The following SOX6 variants were observed in gnomAD, a reference collection of about 807,000 sequenced individuals.
SOX6 encodes the protein transcription factor SOX-6.
A neutral mutation model predicts 97.8 loss-of-function variants in SOX6; 11 were observed. The ratio of observed to expected loss-of-function variants is 0.11; its 90% CI spans 0.07 to 0.19. The LOEUF (loss-of-function observed/expected upper bound fraction) is 0.19. Among genes scored for constraint, SOX6 ranks in the 10% least tolerant of loss-of-function variants. The pLI is 1.00. For synonymous variants in SOX6, 360 were observed against 371.4 expected, an observed-to-expected ratio of 0.97 and a Z score of 0.35; for missense variants, 810 against 1,039.5, an observed-to-expected ratio of 0.78 and a Z score of 3.04.
chr11:16,402,866 C>T (rs1467036365), intron 1 of SOX6: 1 of 1,536,028 alleles, frequency 6.5e-7, no homozygotes. Flanking sequence ...CTCCTAACAA[C>T]TAAAACTACA....
chr11:16,574,387 G>A (rs1376030538), intron 4 of SOX6, among the ~76,000 whole-genome samples: 1 of 151,998 alleles, frequency 6.6e-6, no homozygotes, highest in Non-Finnish European at 1.5e-5. Flanking sequence ...GAGCAGTCAA[G>A]AAAAGAGATT....
chr11:16,633,484 C>A (rs959597099), intron 3 of SOX6, among the ~76,000 whole-genome samples: 2 of 152,134 alleles, frequency 1.3e-5, no homozygotes, highest in Non-Finnish European at 2.9e-5. Flanking sequence ...ATGCAAAAAA[C>A]AACTACCTGA....
chr11:15,969,957 C>T lies in SOX6; in HGVS notation c.*2852G>A, dbSNP rs1211572936. Reference sequence around the variant, plus strand: ...CTGAATAGCCTTTCATTTTTAAGAACATGGCTAAAAGTAAATGAACCCCAG... The same window carrying T: ...CTGAATAGCCTTTCATTTTTAAGAATATGGCTAAAAGTAAATGAACCCCAG... On this transcript the variant is annotated 3_prime_UTR_variant, in exon 16 of 16. Coordinates refer to ENST00000683767, the MANE Select transcript of SOX6 (RefSeq NM_001367873.1). 4 of 152,172 alleles carry T rather than the reference C, an allele frequency of 2.6e-5. No individual in the cohort carries two copies. The highest frequency in any genetic ancestry group is 9.7e-5 in the African/African-American group (4 of 41,434). The allele number at this position is 152,172 out of a possible 1,614,324, so 9.4% of individuals were successfully genotyped here.
intron 3 of SOX6, among the ~76,000 whole-genome samples, chr11:16,631,453 C>T (rs1485306401): frequency 6.6e-6 from 1 of 152,178 alleles, no homozygotes; most frequent in African/African-American, 2.4e-5. Flanking sequence ...CTGAAAAGTC[C>T]ACTGTTAGCC....
At chr11:16,330,602 A>G (rs1006363665) in intron 2 of SOX6, among the ~76,000 whole-genome samples, 1 of 152,104 alleles carries the variant, frequency 6.6e-6, no homozygotes, top group Non-Finnish European at 1.5e-5. Flanking sequence ...TGACTGGTTC[A>G]TGTGCCTACC....
intron 6 of SOX6, among the ~76,000 whole-genome samples, chr11:16,181,317 C>T (rs556483057): frequency 6.6e-6 from 1 of 151,534 alleles, no homozygotes; most frequent in Non-Finnish European, 1.5e-5. Context: ...AGTTAAGTTT[C>T]ATTTTTAATA....
intron 1 of SOX6, among the ~76,000 whole-genome samples, chr11:16,403,270 G>A (rs1205168443): frequency 6.6e-6 from 1 of 151,674 alleles, no homozygotes; most frequent in Non-Finnish European, 1.5e-5. Context: ...TTAAAATGCT[G>A]CACTGCTGCT....
chr11:16,725,239 A>C (rs370779749), intron 2 of SOX6, among the ~76,000 whole-genome samples: 19 of 152,360 alleles, frequency 1.2e-4, no homozygotes, highest in Admixed American at 2.6e-4. Context: ...AAACATGCCA[A>C]GTGGCTGGGC....
At chr11:16,092,852 T>TA (rs202180285) in intron 9 of SOX6, among the ~76,000 whole-genome samples, 109 of 146,018 alleles carry the variant, frequency 7.5e-4, no homozygotes, top group Non-Finnish European at 1.1e-3. Context: ...CCTTTTTCAT[T>TA]AAAAAAAAAA....
intron 1 of SOX6, among the ~76,000 whole-genome samples, chr11:16,350,395 T>A (rs1490248568): frequency 6.6e-6 from 1 of 152,182 alleles, no homozygotes; most frequent in Non-Finnish European, 1.5e-5. Flanking sequence ...AAGAGAAGTG[T>A]CTGGGTGTAA....
chr11:16,454,073 C>A (rs1859768713), intron 1 of SOX6, among the ~76,000 whole-genome samples: 1 of 152,050 alleles, frequency 6.6e-6, no homozygotes, highest in Non-Finnish European at 1.5e-5. Flanking sequence ...TTTGATGATG[C>A]AGTCTTTTTT....
At chr11:16,327,920 C>T (rs1856150810) in intron 2 of SOX6, among the ~76,000 whole-genome samples, 1 of 152,094 alleles carries the variant, frequency 6.6e-6, no homozygotes, top group Admixed American at 6.6e-5. Context: ...ACTGTAAGAA[C>T]AGAATACTAT....
chr11:16,709,190 T>C (rs1848158617), intron 3 of SOX6, among the ~76,000 whole-genome samples: 1 of 152,112 alleles, frequency 6.6e-6, no homozygotes, highest in South Asian at 2.1e-4. Context: ...GCCCTCATGA[T>C]AGCGAGTTCT....
chr11:16,551,350 T>C (rs764588721), intron 4 of SOX6, among the ~76,000 whole-genome samples: 10 of 151,788 alleles, frequency 6.6e-5, no homozygotes, highest in Non-Finnish European at 1.2e-4. Context: ...CCCTGTCTCA[T>C]TAAAATAAAT....
chr11:16,636,642 C>T lies in SOX6; in HGVS notation n.430-24382G>A, dbSNP rs369804915. On this transcript the variant is annotated intron_variant and non_coding_transcript_variant, in intron 3 of 5. Coordinates refer to the SOX6 transcript ENST00000524520. Reference sequence around the variant, plus strand: ...GCAAAATGATATGGATTGGCTCTGTCCCCCTACCCCAAATTTCATCTTAAA... The same window carrying T: ...GCAAAATGATATGGATTGGCTCTGTTCCCCTACCCCAAATTTCATCTTAAA... Among the ~76,000 whole-genome samples, 5 of 152,228 alleles carry T rather than the reference C, an allele frequency of 3.3e-5. No individual in the cohort carries two copies. In the East Asian group the frequency reaches 5.8e-4, roughly 18 times the overall value.
At chr11:16,457,747 C>T (rs563306847) in intron 1 of SOX6, among the ~76,000 whole-genome samples, 5 of 152,102 alleles carry the variant, frequency 3.3e-5, no homozygotes, top group East Asian at 3.9e-4. Flanking sequence ...CCATCCCCAC[C>T]GCTTTCTTCC....
At position 16,388,001 on chromosome 11, in the gene SOX6, G is replaced by GA. The variant is rs1332734121; in HGVS notation, c.-4-46750dup. On this transcript the variant is annotated intron_variant, in intron 1 of 15. Coordinates refer to the SOX6 transcript ENST00000396356. Reference sequence around the variant, plus strand: ...ATGTCAAGTAGGATGAATGAGCATGGACAGTATCTTGTTTCCTATCTTGGG... The same window carrying GA: ...ATGTCAAGTAGGATGAATGAGCATGGAACAGTATCTTGTTTCCTATCTTGGG... Among the ~76,000 whole-genome samples the GA allele has an allele frequency of 3.9e-5, 6 of 152,184 alleles. No individual in the cohort carries two copies. The East Asian group carries it at 1.2e-3, about 29-fold the overall frequency.
chr11:16,647,691 G>T (rs1486403355), intron 3 of SOX6, among the ~76,000 whole-genome samples: 1 of 152,182 alleles, frequency 6.6e-6, no homozygotes, highest in Non-Finnish European at 1.5e-5. Flanking sequence ...AGTTCCCAAA[G>T]TGTGAGACAG....
intron 11 of SOX6, among the ~76,000 whole-genome samples, chr11:16,047,156 C>T (rs559862658): frequency 1.1e-4 from 16 of 151,984 alleles, no homozygotes; most frequent in African/African-American, 3.9e-4. Flanking sequence ...ATTTCTGGCC[C>T]GCAGAAAAAA....
Sources: gnomAD v4.1 joint callset for allele counts (sites outside exome capture counted in the v4.1 genomes callset) on GRCh38, gnomAD v4.1.1 for gene constraint, MANE v1.5 for transcripts, NCBI Gene and HGNC (gene_info 2026-07-23, HGNC 2026-07-21) for gene names.